The following ZNF713 variants were observed in gnomAD, a reference collection of about 807,000 sequenced individuals.
ZNF713 encodes the protein zinc finger protein 713.
In ZNF713, 21 loss-of-function variants were observed where a neutral mutation model predicts 28.7. The ratio of observed to expected loss-of-function variants is 0.73; its 90% CI spans 0.52 to 1.05. The LOEUF (loss-of-function observed/expected upper bound fraction) is 1.05, where lower values mean the gene tolerates loss of function less well. Among genes scored for constraint, ZNF713 ranks in the 50% least tolerant of loss-of-function variants. ZNF713 has a pLI of 0.00. For synonymous variants in ZNF713, 167 were observed against 178.0 expected (o/e 0.94, Z 0.49); for missense variants, 458 against 532.4 (o/e 0.86, Z 1.37).
Position 55,887,874 on chromosome 7 carries a change from C to T in ZNF713, c.-583+194C>T, listed in dbSNP as rs1171722966. Among the ~76,000 whole-genome samples, 2 of 7,852 alleles carry T rather than the reference C, an allele frequency of 2.5e-4. 1 individual carries two copies. Among genetic ancestry groups the T allele is most frequent in the African/African-American group, 2.3e-3 (2 of 884 alleles). 5.2% of individuals were successfully genotyped at this position (7,852 alleles called of 152,430 possible). A position where few individuals can be genotyped will look rare whatever the true frequency, so the allele number is the denominator to read the frequency against. On this transcript the variant is annotated intron_variant, in intron 1 of 6. Coordinates refer to ENST00000429591, the MANE Select transcript of ZNF713 (RefSeq NM_182633.3). Reference sequence around the variant, plus strand: ...GGCGGCGGGCGGCGGGCGGCGGCGGCGGCGGCGGCGGCGGGCGGCGGCGGC... The same window carrying T: ...GGCGGCGGGCGGCGGGCGGCGGCGGTGGCGGCGGCGGCGGGCGGCGGCGGC...
In ZNF713 at chr7:55,939,555, G is replaced by T; in HGVS notation, c.881G>T (p.Arg294Ile). The change falls in exon 7 of 7, where the codon AGA (arginine) becomes ATA (isoleucine). Residue 294 changes from arginine to isoleucine, a missense_variant. By Grantham distance (97) the Arg-to-Ile change is moderately conservative. Transcript: ENST00000429591. ...TATAAGTGTGATGAATGTGGAAAAA[G>T]ATTCAGCCAGAGGATACATCTCATT... ...KPYKCDECGKRFSQRIHLIQH... is the reference protein window; with the variant it reads ...KPYKCDECGKIFSQRIHLIQH... 1 of 1,613,692 alleles carries T rather than the reference G, an allele frequency of 6.2e-7. No homozygotes were observed. Among genetic ancestry groups the T allele is most frequent in the South Asian group, 1.1e-5 (1 of 90,960 alleles).
At chr7:55,894,079 G>T (rs982722081) in intron 1 of ZNF713, among the ~76,000 whole-genome samples, 1 of 152,184 alleles carries the variant, frequency 6.6e-6, no homozygotes, top group Non-Finnish European at 1.5e-5. Context: ...CCACCCTTGT[G>T]GCTGACCTTC....
At chr7:55,907,541 T>C (rs1335493985) in intron 2 of ZNF713, among the ~76,000 whole-genome samples, 1 of 152,218 alleles carries the variant, frequency 6.6e-6, no homozygotes, top group African/African-American at 2.4e-5. Context: ...TCTGGGTTTC[T>C]GATGTATGCA....
intron 2 of ZNF713, among the ~76,000 whole-genome samples, chr7:55,910,003 ATGTG>A (rs539040368): frequency 6.8e-6 from 1 of 147,598 alleles, no homozygotes; most frequent in South Asian, 2.2e-4. Context: ...ATATACGTTT[ATGTG>A]TGTGTGTGTG....
chr7:55,932,524 CA>C (rs34793484), intron 6 of ZNF713, among the ~76,000 whole-genome samples: 64,113 of 120,634 alleles, frequency 0.53, 15,748 homozygotes, highest in Middle Eastern at 0.62. Flanking sequence ...GACCCTGTCT[CA>C]AAAAAAAAAA....
At chr7:55,923,515 C>CAG (rs1786034681) in intron 5 of ZNF713, 92 bp from the exon 6 acceptor site, 1 of 1,236,730 alleles carries the variant, frequency 8.1e-7, no homozygotes, top group Admixed American at 2.1e-5. Flanking sequence ...GTCTCCCCTC[C>CAG]AGAGGCTCTA....
At chr7:55,890,450 CAAAAA>C (rs34844925) in intron 1 of ZNF713, among the ~76,000 whole-genome samples, 1 of 116,440 alleles carries the variant, frequency 8.6e-6, no homozygotes, top group Non-Finnish European at 1.8e-5. Flanking sequence ...ACTCTGTCTC[CAAAAA>C]AAAAAAAAAA....
chr7:55,892,153 G>C (rs373463320), intron 1 of ZNF713, among the ~76,000 whole-genome samples: 62 of 151,928 alleles, frequency 4.1e-4, no homozygotes, highest in African/African-American at 1.4e-3. Flanking sequence ...GGTGGCGGGC[G>C]CCTGTAGTCC....
rs571304117 is a variant in ZNF713, at chr7:55,904,298, C to T, written c.-582-1955C>T. ...GCAACGTGGTGAAACCTCACTTCTA[C>T]TAAAAATACAAAAATTAGCCAGGCA... On this transcript the variant is annotated intron_variant, in intron 1 of 6. Coordinates refer to ENST00000429591, the MANE Select transcript of ZNF713 (RefSeq NM_182633.3). 2.7e-4 allele frequency among the ~76,000 whole-genome samples: 30 copies of T among 111,280 alleles called. 7 individuals carry two copies. Among genetic ancestry groups the T allele is most frequent in the African/African-American group, 9.3e-4 (29 of 31,122 alleles). 73.0% of individuals were successfully genotyped at this position (111,280 alleles called of 152,430 possible). A position where few individuals can be genotyped will look rare whatever the true frequency, so the allele number is the denominator to read the frequency against.
intron 2 of ZNF713, among the ~76,000 whole-genome samples, chr7:55,908,387 T>C (rs1785724869): frequency 6.6e-6 from 1 of 152,088 alleles, no homozygotes. Context: ...ATGATCCGCC[T>C]GCCTTGGCCT....
At chr7:55,923,046 C>A in intron 4 of ZNF713, 116 bp from the exon 5 acceptor site, 1 of 1,181,608 alleles carries the variant, frequency 8.5e-7, no homozygotes, top group Non-Finnish European at 1.1e-6. Context: ...AACTCAGAGT[C>A]CTGAAGACTA....
At chr7:55,913,786 A>G (rs1312520342) in intron 4 of ZNF713, among the ~76,000 whole-genome samples, 2 of 152,128 alleles carry the variant, frequency 1.3e-5, no homozygotes, top group Non-Finnish European at 2.9e-5. Context: ...CATTATAGGT[A>G]TGAGCACCCA....
At chr7:55,907,506 A>G (rs997744687) in intron 2 of ZNF713, among the ~76,000 whole-genome samples, 2 of 152,154 alleles carry the variant, frequency 1.3e-5, no homozygotes, top group Admixed American at 6.5e-5. Flanking sequence ...GGTTTGTTAC[A>G]TAGACATGTT....
intron 1 of ZNF713, among the ~76,000 whole-genome samples, chr7:55,899,955 G>A (rs1669189350): frequency 6.6e-6 from 1 of 151,894 alleles, no homozygotes; most frequent in Non-Finnish European, 1.5e-5. Flanking sequence ...TGTTGGCCAG[G>A]CTGGTCTTGA....
In ZNF713 at chr7:55,912,595, T is replaced by A. The variant is rs552765408; in HGVS notation, c.-2-40T>A. On this transcript the variant is annotated intron_variant, in intron 3 of 6. Coordinates refer to ENST00000429591, the MANE Select transcript of ZNF713 (RefSeq NM_182633.3). Reference sequence around the variant, plus strand: ...GAATCTCCAGGATTTAAATTTAACCTTCGTGTCATATATTAACAAGATGCT... The same window carrying A: ...GAATCTCCAGGATTTAAATTTAACCATCGTGTCATATATTAACAAGATGCT... The A allele has an allele frequency of 2.1e-6, 3 of 1,442,492 alleles. No individual in the cohort carries two copies. In the East Asian group the frequency reaches 7.0e-5, roughly 34 times the overall value. The allele number at this position is 1,442,492 out of a possible 1,614,324, so 89.4% of individuals were successfully genotyped here. A position where few individuals can be genotyped will look rare whatever the true frequency, so the allele number is the denominator to read the frequency against.
intron 4 of ZNF713, among the ~76,000 whole-genome samples, chr7:55,916,652 A>G (rs2116224456): frequency 6.6e-6 from 1 of 152,360 alleles, no homozygotes; most frequent in East Asian, 1.9e-4. Flanking sequence ...AATTTAGCAT[A>G]TGATAAAGGT....
rs1786028450 is a variant in ZNF713 at position 55,923,250 on chromosome 7, A to C, written c.176A>C (p.Asp59Ala). 1 of 1,613,752 alleles carries C rather than the reference A, an allele frequency of 6.2e-7. No homozygotes were observed. Among genetic ancestry groups the C allele is most frequent in the African/African-American group, 1.3e-5 (1 of 75,026 alleles). ...CCTGCCCAAAAGAACCTCTATCGAG[A>C]CGTGATGCTGGAGAACTACAGGAAT... ...LYPAQKNLYR[D>A]VMLENYRNLV... The change falls in exon 5 of 7, where the codon GAC becomes GCC. Residue 59 changes from aspartate to alanine, a missense_variant. Physicochemically the swap from Asp to Ala is moderately radical, Grantham distance 126 (BLOSUM62 -2). Transcript: ENST00000429591.
chr7:55,904,820 C>T (rs1038689129), intron 1 of ZNF713, among the ~76,000 whole-genome samples: 6 of 152,038 alleles, frequency 3.9e-5, no homozygotes, highest in African/African-American at 1.2e-4. Flanking sequence ...TCCACCCCCT[C>T]GGCTCAAGCA....
At chr7:55,915,743 T>C (rs1407701983) in intron 4 of ZNF713, among the ~76,000 whole-genome samples, 3 of 152,128 alleles carry the variant, frequency 2.0e-5, no homozygotes, top group African/African-American at 7.2e-5. Context: ...TGAAGTGAGC[T>C]TGGAGAAGTG....
Sources: gnomAD v4.1 joint callset for allele counts (sites outside exome capture counted in the v4.1 genomes callset) on GRCh38, gnomAD v4.1.1 for gene constraint, MANE v1.5 for transcripts, NCBI Gene and HGNC (gene_info 2026-07-23, HGNC 2026-07-21) for gene names.